ACKR2: variants seen among roughly 807,000 people sequenced by gnomAD.
The protein encoded by ACKR2 is atypical chemokine receptor 2.
For missense variants in ACKR2, 457 were observed against 477.3 expected, an observed-to-expected ratio of 0.96 and a Z score of 0.40; for synonymous variants, 207 against 192.2, an observed-to-expected ratio of 1.08 and a Z score of -0.64.
At position 42,864,926 on chromosome 3, in the gene ACKR2, A is replaced by T. The variant is rs922512082; in HGVS notation, c.424A>T (p.Lys142Ter). Residue 142 changes from lysine (K) to a stop codon, truncating the protein, a stop_gained, in exon 3 of 3, where the codon AAG (lysine) becomes TAG (stop). Transcript: ENST00000422265. LOFTEE classifies it low-confidence loss of function (END_TRUNC). Reference protein sequence around the residue: ...IFFISCMSLDKYLEIVHAQPY... With the variant: ...IFFISCMSLD The stretch of plus-strand genomic sequence containing the variant: ...TTTCATTAGCTGCATGAGCCTGGAC[A>T]AGTACCTGGAGATCGTTCATGCTCA... 42 of 1,613,988 alleles carry T rather than the reference A, an allele frequency of 2.6e-5. No homozygotes were observed. Among genetic ancestry groups the T allele is most frequent in the Non-Finnish European group, 3.3e-5 (39 of 1,180,030 alleles).
intron 1 of ACKR2, among the ~76,000 whole-genome samples, chr3:42,813,498 A>G (rs979297705): frequency 6.6e-6 from 1 of 152,182 alleles, no homozygotes; most frequent in African/African-American, 2.4e-5. Flanking sequence ...CCTGTCTTAT[A>G]TGGTGGGATC....
Position 42,865,603 on chromosome 3 carries a change from G to A in ACKR2, c.1101G>A (p.Glu367=). The A allele has an allele frequency of 6.2e-7, 1 of 1,613,996 alleles. No individual in the cohort carries two copies. The highest frequency in any genetic ancestry group is 8.5e-7 in the Non-Finnish European group (1 of 1,179,976). ...TGACTGGCATGAATGACCTTGGAGA[G>A]AGGCAGTCTGAGAACTACCCTAACA... is the stretch of plus-strand genomic sequence containing the variant. ...EEMTGMNDLG[E]RQSENYPNKE... Residue 367 remains glutamate (E), a synonymous_variant, in exon 3 of 3, where the codon GAG becomes GAA. Coordinates refer to ENST00000422265, the MANE Select transcript of ACKR2 (RefSeq NM_001296.5).
intron 1 of ACKR2, among the ~76,000 whole-genome samples, chr3:42,817,320 C>G (rs1161147554): frequency 6.6e-6 from 1 of 152,170 alleles, no homozygotes; most frequent in Non-Finnish European, 1.5e-5. Flanking sequence ...AATCAATTCT[C>G]TCATTTATTC....
intron 2 of ACKR2, among the ~76,000 whole-genome samples, chr3:42,845,962 G>T (rs1444817687): frequency 6.6e-6 from 1 of 152,082 alleles, no homozygotes; most frequent in Non-Finnish European, 1.5e-5. Flanking sequence ...GATTCAGAAG[G>T]GAAAATCCTG....
Position 42,826,036 on chromosome 3 carries a change from A to G in ACKR2, c.-38+6325A>G, listed in dbSNP as rs1700861601. On this transcript the variant is annotated intron_variant, in intron 2 of 2. Coordinates refer to ENST00000422265, the MANE Select transcript of ACKR2 (RefSeq NM_001296.5). ...TTATTCTTTTCATATGTTGTCTTAC[A>G]TTGTTTGAGTTTCGGATGTTGAACG... 1.3e-5 allele frequency among the ~76,000 whole-genome samples: 2 copies of G among 151,210 alleles called. 1 individual carries two copies.
chr3:42,816,043 G>A (rs941436108), intron 1 of ACKR2, among the ~76,000 whole-genome samples: 1 of 152,102 alleles, frequency 6.6e-6, no homozygotes, highest in Non-Finnish European at 1.5e-5. Context: ...GTAGGACTCT[G>A]GGGAGTGTTA....
At position 42,864,482 on chromosome 3, in the gene ACKR2, G is replaced by T; in HGVS notation, c.-21G>T. 1 of 1,576,920 alleles carries T rather than the reference G, an allele frequency of 6.3e-7. No homozygotes were observed. Among genetic ancestry groups the T allele is most frequent in the South Asian group, 1.2e-5 (1 of 84,134 alleles). On this transcript the variant is annotated 5_prime_UTR_variant, in exon 3 of 3. Coordinates refer to ENST00000422265, the MANE Select transcript of ACKR2 (RefSeq NM_001296.5). ...CCCCCGCAGCACTACAGGACGTCGG[G>T]ACTGGGCATTTCCTTCCAACATGGC... is the stretch of plus-strand genomic sequence containing the variant.
At chr3:42,860,189 AGC>A (rs1356050276) in intron 2 of ACKR2, among the ~76,000 whole-genome samples, 129 of 111,590 alleles carry the variant, frequency 1.2e-3, no homozygotes, top group Non-Finnish European at 1.6e-3. Context: ...AAAAAAAAAA[AGC>A]AGGGGATGCA....
intron 2 of ACKR2, among the ~76,000 whole-genome samples, chr3:42,860,932 C>T (rs551339694): frequency 4.3e-4 from 65 of 152,110 alleles, no homozygotes; most frequent in Non-Finnish European, 2.2e-4. Flanking sequence ...AATCGACAGC[C>T]TAACATCACA....
intron 1 of ACKR2, among the ~76,000 whole-genome samples, chr3:42,818,666 A>G (rs112042968): frequency 0.18 from 26,705 of 152,122 alleles, 2,726 homozygotes; most frequent in Non-Finnish European, 0.23. Context: ...GGTTCAAGCA[A>G]TTCTCCTGTC....
chr3:42,821,543 G>C (rs1192734672), intron 2 of ACKR2, among the ~76,000 whole-genome samples: 1 of 152,132 alleles, frequency 6.6e-6, no homozygotes, highest in Non-Finnish European at 1.5e-5. Context: ...GTTCCGTGTG[G>C]TTAGGTAACT....
At position 42,852,294 on chromosome 3, in the gene ACKR2, A is replaced by T. The variant is rs891959512; in HGVS notation, c.-37-12172A>T. On this transcript the variant is annotated intron_variant, in intron 2 of 2. Coordinates refer to ENST00000422265, the MANE Select transcript of ACKR2 (RefSeq NM_001296.5). The surrounding 1 kb of genome is among the most constrained non-coding windows in gnomAD (Gnocchi z 4.3). ...TGAAATACACACGCAAGGAGTTCTC[A>T]TGGGAACATTACAGGCAACAAGTAC... is the stretch of plus-strand genomic sequence containing the variant. 7.9e-5 allele frequency: 12 copies of T among 152,222 alleles called. No homozygotes were observed. Among genetic ancestry groups the T allele is most frequent in the African/African-American group, 2.9e-4 (12 of 41,440 alleles). 9.4% of individuals were successfully genotyped at this position (152,222 alleles called of 1,614,324 possible).
rs1700821681 is a variant in ACKR2 at position 42,822,777 on chromosome 3, G to A, written c.-38+3066G>A. Among the ~76,000 whole-genome samples, 3 of 128,066 alleles carry A rather than the reference G, an allele frequency of 2.3e-5. No individual in the cohort carries two copies. The Admixed American group carries it at 3.2e-4, about 14-fold the overall frequency. The allele number at this position is 128,066 out of a possible 152,430, so 84.0% of individuals were successfully genotyped here. A position where few individuals can be genotyped will look rare whatever the true frequency, so the allele number is the denominator to read the frequency against. ...GAGGTGGAGGCAGGATTGCATCACT[G>A]CACTGCAGCCTGGGTGACAGAGCAA... On this transcript the variant is annotated intron_variant, in intron 2 of 2. Coordinates refer to ENST00000422265, the MANE Select transcript of ACKR2 (RefSeq NM_001296.5).
chr3:42,824,515 C>T (rs180935071), intron 2 of ACKR2, among the ~76,000 whole-genome samples: 13 of 152,338 alleles, frequency 8.5e-5, no homozygotes, highest in African/African-American at 3.1e-4. Context: ...TCCATCTCCA[C>T]ACCTTCCCCC....
rs1484635648 is a variant in ACKR2, at chr3:42,865,145, A to C, written c.643A>C (p.Asn215His). The C allele has an allele frequency of 1.2e-6, 2 of 1,613,800 alleles. No homozygotes were observed. The highest frequency in any genetic ancestry group is 3.3e-5 in the Admixed American group (2 of 60,000). ...GAAGCTCTTCCTCCGCTTCCAGCAGAACCTCCTAGGGTTTCTCCTTCCACT... is the reference window on the plus strand; with the variant it reads ...GAAGCTCTTCCTCCGCTTCCAGCAGCACCTCCTAGGGTTTCTCCTTCCACT... ...IWKLFLRFQQNLLGFLLPLLA... is the reference protein window; with the variant it reads ...IWKLFLRFQQHLLGFLLPLLA... Residue 215 changes from asparagine (N) to histidine (H), a missense_variant, in exon 3 of 3, where the codon AAC becomes CAC. Transcript: ENST00000422265.
intron 2 of ACKR2, among the ~76,000 whole-genome samples, chr3:42,826,745 A>G (rs1030157686): frequency 1.3e-5 from 2 of 151,978 alleles, no homozygotes; most frequent in Non-Finnish European, 2.9e-5. Context: ...GTACTCCAAT[A>G]TTTATTTTGT....
chr3:42,836,513 T>C (rs915914970), intron 2 of ACKR2, among the ~76,000 whole-genome samples: 1 of 152,094 alleles, frequency 6.6e-6, no homozygotes, highest in Non-Finnish European at 1.5e-5. Context: ...TATACCAGGG[T>C]CTATTAAAAG....
chr3:42,838,249 C>T (rs1202321363), intron 2 of ACKR2, among the ~76,000 whole-genome samples: 2 of 152,042 alleles, frequency 1.3e-5, no homozygotes, highest in Non-Finnish European at 2.9e-5. Context: ...GAGAATAAAA[C>T]ACAAGACACA....
At chr3:42,823,069 G>A (rs1700825362) in intron 2 of ACKR2, among the ~76,000 whole-genome samples, 1 of 152,078 alleles carries the variant, frequency 6.6e-6, no homozygotes, top group African/African-American at 2.4e-5. Flanking sequence ...CTTGGTTCTA[G>A]GCTAAGCCCC....
Sources: allele counts gnomAD v4.1 joint callset (sites outside exome capture counted in the v4.1 genomes callset), GRCh38; gene constraint gnomAD v4.1.1; non-coding constraint Gnocchi (gnomAD v3.1); transcripts MANE v1.5; gene names NCBI Gene and HGNC (gene_info 2026-07-23, HGNC 2026-07-21).